The following NTM variants were observed in gnomAD, a reference collection of about 807,000 sequenced individuals.
NTM encodes the protein IgLON family member 2.
In NTM, 13 loss-of-function variants were observed where a neutral mutation model predicts 42.1. The ratio of observed to expected loss-of-function variants is 0.31; its 90% CI spans 0.20 to 0.49. The LOEUF is 0.49. NTM is among the 20% of genes least tolerant of loss of function. The pLI is 0.99. For synonymous variants in NTM, 187 were observed against 179.2 expected (o/e 1.04, Z -0.35); for missense variants, 373 against 452.8 (o/e 0.82, Z 1.60).
chr11:131,432,839 C>CTTTTTTTTTTTGTTTTT (rs1948771708), intron 1 of NTM, among the ~76,000 whole-genome samples: 1 of 68,694 alleles, frequency 1.5e-5, no homozygotes, highest in African/African-American at 6.2e-5. Context: ...ATTTAGCATT[C>CTTTTTTTTTTTGTTTTT]TTTTTTTTTT....
intron 1 of NTM, among the ~76,000 whole-genome samples, chr11:131,804,399 G>T (rs1356482034): frequency 6.6e-6 from 1 of 152,096 alleles, no homozygotes; most frequent in Non-Finnish European, 1.5e-5. Context: ...GCCTACTCTG[G>T]TCTATCTCAA....
chr11:131,495,031 C>T (rs183872297), intron 1 of NTM, among the ~76,000 whole-genome samples: 2 of 152,260 alleles, frequency 1.3e-5, no homozygotes, highest in Admixed American at 6.5e-5. Context: ...TTGGATGGTT[C>T]ATTGACTATT....
intron 1 of NTM, among the ~76,000 whole-genome samples, chr11:131,378,534 G>C (rs1192605789): frequency 6.6e-6 from 1 of 152,152 alleles, no homozygotes; most frequent in Non-Finnish European, 1.5e-5. Context: ...ATATGATGTT[G>C]TGTATTCATA....
At chr11:131,955,297 G>T (rs2061438579) in intron 2 of NTM, among the ~76,000 whole-genome samples, 5 of 152,098 alleles carry the variant, frequency 3.3e-5, no homozygotes, top group Admixed American at 3.3e-4. Flanking sequence ...GCGTTGCCTG[G>T]AATAGTAATG....
chr11:132,208,975 C>T (rs1174015118), intron 3 of NTM, among the ~76,000 whole-genome samples: 1 of 152,090 alleles, frequency 6.6e-6, no homozygotes, highest in Non-Finnish European at 1.5e-5. Context: ...GCAAGCAAGG[C>T]TGTGTGGGTG....
chr11:131,626,107 ATTTAAT>A (rs1057003581), intron 1 of NTM, among the ~76,000 whole-genome samples: 9 of 152,214 alleles, frequency 5.9e-5, no homozygotes, highest in Admixed American at 2.6e-4. Flanking sequence ...ATTAAAATAA[ATTTAAT>A]TTTAAGAATC....
chr11:131,723,141 A>G (rs1218675208), intron 1 of NTM, among the ~76,000 whole-genome samples: 1 of 152,214 alleles, frequency 6.6e-6, no homozygotes, highest in Non-Finnish European at 1.5e-5. Flanking sequence ...TGGCAATACA[A>G]AAATCCTCCT....
intron 1 of NTM, among the ~76,000 whole-genome samples, chr11:131,407,629 G>C (rs1945939990): frequency 6.6e-6 from 1 of 152,168 alleles, no homozygotes; most frequent in Non-Finnish European, 1.5e-5. Context: ...ACTCTATTTG[G>C]GCTTTGTCAT....
chr11:131,806,614 G>A (rs1167701724), intron 1 of NTM, among the ~76,000 whole-genome samples: 1 of 152,126 alleles, frequency 6.6e-6, no homozygotes, highest in Non-Finnish European at 1.5e-5. Context: ...GGCCCAGAAA[G>A]GAGAAGGAAT....
chr11:131,469,612 T>C (rs1440513754), intron 1 of NTM, among the ~76,000 whole-genome samples: 1 of 152,228 alleles, frequency 6.6e-6, no homozygotes, highest in Non-Finnish European at 1.5e-5. Flanking sequence ...GCTAGGCAGC[T>C]GATAGGCTCA....
Position 132,328,222 on chromosome 11 carries a change from G to A in NTM, c.935-1931G>A, listed in dbSNP as rs114268161. 5.8e-3 allele frequency among the ~76,000 whole-genome samples: 877 copies of A among 152,286 alleles called. 9 individuals are homozygous for A. Among genetic ancestry groups the A allele is most frequent in the African/African-American group, 0.02 (831 of 41,552 alleles). On this transcript the variant is annotated intron_variant, in intron 7 of 8. Transcript: ENST00000683400. ...AGCATGATGGGTTTAGAGTATATAC[G>A]AAAATATCCTGGCATTTCCACCTCA...
intron 1 of NTM, among the ~76,000 whole-genome samples, chr11:131,707,838 T>A (rs1345060061): frequency 6.6e-6 from 1 of 152,076 alleles, no homozygotes; most frequent in Non-Finnish European, 1.5e-5. Context: ...AGCTGAAAAC[T>A]TTTCCTCTAA....
chr11:132,095,004 G>A (rs528528147), intron 2 of NTM, among the ~76,000 whole-genome samples: 1 of 152,224 alleles, frequency 6.6e-6, no homozygotes, highest in Non-Finnish European at 1.5e-5. Flanking sequence ...ATCATTGCAG[G>A]GAGAGGACAA....
chr11:132,309,983 G>A (rs561327090), intron 5 of NTM, 129 bp from the exon 6 acceptor site: 6 of 1,131,284 alleles, frequency 5.3e-6, no homozygotes, highest in Non-Finnish European at 6.0e-6. Context: ...TTGAACCCGG[G>A]AGGCAGAACG....
chr11:131,638,709 C>T (rs1046697967), intron 1 of NTM, among the ~76,000 whole-genome samples: 6 of 151,478 alleles, frequency 4.0e-5, no homozygotes, highest in African/African-American at 1.2e-4. Context: ...CTAAGGATAA[C>T]GATAGCATTC....
At position 131,491,580 on chromosome 11, in the gene NTM, C is replaced by CA. The variant is rs746153807; in HGVS notation, c.82+120693dup. On this transcript the variant is annotated intron_variant, in intron 1 of 8. Coordinates refer to ENST00000683400, the MANE Select transcript of NTM (RefSeq NM_001352005.2). Reference sequence around the variant, plus strand: ...TCTGGGCCCATGTTCATACCTAGACCAGAGGCTTCACTCTGAAAGGCAATG... The same window carrying CA: ...TCTGGGCCCATGTTCATACCTAGACCAAGAGGCTTCACTCTGAAAGGCAATG... Among the ~76,000 whole-genome samples, 66 of 152,174 alleles carry CA rather than the reference C, an allele frequency of 4.3e-4. 1 individual carries two copies. The highest frequency in any genetic ancestry group is 3.1e-3 in the Admixed American group (47 of 15,300).
chr11:131,595,137 G>A (rs939229441), intron 1 of NTM, among the ~76,000 whole-genome samples: 3 of 152,176 alleles, frequency 2.0e-5, no homozygotes, highest in African/African-American at 7.2e-5. Context: ...GTGACTTGAA[G>A]GAGGTGGGAT....
chr11:132,084,600 A>C (rs775999678), intron 2 of NTM, among the ~76,000 whole-genome samples: 10 of 152,164 alleles, frequency 6.6e-5, no homozygotes, highest in Non-Finnish European at 1.2e-4. Flanking sequence ...AAAACACTTG[A>C]TGTTGTGAAC....
At chr11:131,371,612 G>A (rs1421699372) in intron 1 of NTM, among the ~76,000 whole-genome samples, 2 of 152,140 alleles carry the variant, frequency 1.3e-5, no homozygotes, top group Non-Finnish European at 2.9e-5. Flanking sequence ...GGAGCCCTGG[G>A]GGCTGCAGTT....
Sources: gnomAD v4.1 joint callset for allele counts (sites outside exome capture counted in the v4.1 genomes callset) on GRCh38, gnomAD v4.1.1 for gene constraint, MANE v1.5 for transcripts, NCBI Gene and HGNC (gene_info 2026-07-23, HGNC 2026-07-21) for gene names.